RPP30: variants seen among roughly 807,000 people sequenced by gnomAD.
The protein encoded by RPP30 is ribonuclease P protein subunit p30.
RPP30 carries 36 observed loss-of-function variants against 38.6 expected under a neutral mutation model. That is an observed-to-expected ratio of 0.93 (90% CI 0.71 to 1.23). RPP30 has a LOEUF of 1.23. RPP30 is among the 50% of genes most tolerant of loss of function. The probability of loss-of-function intolerance (pLI) is 0.00; values close to 1 mark genes in which losing one functional copy is unlikely to be tolerated. For missense variants in RPP30, 321 were observed against 321.7 expected (o/e 1.00, Z 0.02); for synonymous variants, 126 against 112.7 (o/e 1.12, Z -0.75).
At position 90,896,322 on chromosome 10, in the gene RPP30, G is replaced by A. The variant is rs368239318; in HGVS notation, c.627G>A (p.Leu209=). ...GPYDVANLGL[L]FGLSESDAKA... ...TTAATGCTCCCCCAAGAGGCTTGCT[G>A]TTTGGGCTCTCTGAAAGTGACGCCA... The change falls in exon 10 of 11, where the codon CTG becomes CTA. Residue 209 remains leucine (L), a synonymous_variant. Coordinates refer to ENST00000371703, the MANE Select transcript of RPP30 (RefSeq NM_006413.5). The A allele has an allele frequency of 6.8e-6, 11 of 1,613,896 alleles. No individual in the cohort carries two copies. The Admixed American group carries it at 1.2e-4, about 17-fold the overall frequency.
downstream of RPP30, chr10:90,903,205 A>G (rs1210041421): frequency 9.4e-6 from 15 of 1,600,662 alleles, no homozygotes; most frequent in Middle Eastern, 1.7e-4. Flanking sequence ...CTAGAATTCA[A>G]CAAAGACAAC....
chr10:90,886,994 G>T (rs866615131), intron 6 of RPP30, among the ~76,000 whole-genome samples: 5 of 152,096 alleles, frequency 3.3e-5, no homozygotes, highest in Non-Finnish European at 5.9e-5. Context: ...TAGAGACAGG[G>T]TGTCACTCTA....
At chr10:90,902,441 T>C, downstream of RPP30, 1 of 218,336 alleles carries the variant, frequency 4.6e-6, no homozygotes, top group Non-Finnish European at 9.7e-6. Flanking sequence ...AGTCTCAAAC[T>C]CCTGGCAGAT....
At chr10:90,886,966 TAG>T (rs1431867594) in intron 6 of RPP30, among the ~76,000 whole-genome samples, 128 of 151,818 alleles carry the variant, frequency 8.4e-4, no homozygotes, top group Middle Eastern at 3.4e-3. Context: ...AAATTATTAG[TAG>T]TAGTAGTAGT....
chr10:90,893,961 A>G (rs1202342937), intron 6 of RPP30, among the ~76,000 whole-genome samples: 3 of 152,224 alleles, frequency 2.0e-5, no homozygotes, highest in Non-Finnish European at 4.4e-5. Flanking sequence ...ATTTCCACTC[A>G]TCTACTTACC....
chr10:90,903,333 A>G (rs1435422579), downstream of RPP30: 4 of 1,198,940 alleles, frequency 3.3e-6, no homozygotes, highest in East Asian at 7.1e-5. Flanking sequence ...AACAGGATGT[A>G]TGTTCAATTT....
rs1846846253 is a variant in RPP30, at chr10:90,875,959, C to G, written c.196-65C>G. The G allele has an allele frequency of 3.2e-6, 3 of 945,388 alleles. No homozygotes were observed. In the South Asian group the frequency reaches 4.1e-5, roughly 13 times the overall value. 58.6% of individuals were successfully genotyped at this position (945,388 alleles called of 1,614,324 possible). Reference sequence around the variant, plus strand: ...AGTACCTTTTAATGAATACTTTCCACTGGTAAAAAGGAAAATCAATTATTG... The same window carrying G: ...AGTACCTTTTAATGAATACTTTCCAGTGGTAAAAAGGAAAATCAATTATTG... On this transcript the variant is annotated intron_variant, in intron 3 of 10. Coordinates refer to ENST00000371703, the MANE Select transcript of RPP30 (RefSeq NM_006413.5).
At position 90,872,001 on chromosome 10, in the gene RPP30, A is replaced by G; in HGVS notation, c.15A>G (p.Ala5=). ...GGGACTTCAGCATGGCGGTGTTTGC[A>G]GATTTGGACCTGCGAGCGGGTTCTG... MAVF[A]DLDLRAGSDL... Residue 5 remains alanine (A), a synonymous_variant, in exon 1 of 11, where the codon GCA becomes GCG. Transcript: ENST00000371703. 1 of 1,613,982 alleles carries G rather than the reference A, an allele frequency of 6.2e-7. No homozygotes were observed. Among genetic ancestry groups the G allele is most frequent in the Non-Finnish European group, 8.5e-7 (1 of 1,179,920 alleles).
At chr10:90,889,227 T>TGGCTTTGA (rs1261472369) in intron 6 of RPP30, among the ~76,000 whole-genome samples, 1 of 152,052 alleles carries the variant, frequency 6.6e-6, no homozygotes, top group African/African-American at 2.4e-5. Context: ...CATGTTCCCT[T>TGGCTTTGA]GGCTTTGAGT....
chr10:90,874,803 T>A, intron 1 of RPP30, 66 bp from the exon 2 acceptor site: 2 of 1,055,138 alleles, frequency 1.9e-6, no homozygotes, highest in Non-Finnish European at 2.9e-6. Flanking sequence ...AGACTCAGGA[T>A]GGACCTGTGT....
In RPP30 at chr10:90,885,811, G is replaced by C. The variant is rs1846992915; in HGVS notation, c.343-1G>C. On this transcript the variant is annotated splice_acceptor_variant, in intron 5 of 10. Coordinates refer to ENST00000371703, the MANE Select transcript of RPP30 (RefSeq NM_006413.5). LOFTEE classifies it high-confidence loss of function. ...CTTACCTATTTTTTTCTTCTTTACA[G>C]ATTGCTTGCACACATTTAGATGTGG... The C allele has an allele frequency of 6.2e-7, 1 of 1,605,932 alleles. No homozygotes were observed. Among genetic ancestry groups the C allele is most frequent in the African/African-American group, 1.3e-5 (1 of 74,734 alleles).
Position 90,901,472 on chromosome 10 carries a change from A to G in RPP30, c.*793A>G. On this transcript the variant is annotated 3_prime_UTR_variant, in exon 11 of 11. Transcript: ENST00000371703. ...TATAGAATTTGTGGAAGGAGAGAGG[A>G]TACACATGTAAAATTACATCTGGTC... 1.0e-6 allele frequency: 1 copy of G among 984,750 alleles called. No individual in the cohort carries two copies. The highest frequency in any genetic ancestry group is 1.2e-6 in the Non-Finnish European group (1 of 829,334). 61.0% of individuals were successfully genotyped at this position (984,750 alleles called of 1,614,324 possible). A position where few individuals can be genotyped will look rare whatever the true frequency, so the allele number is the denominator to read the frequency against.
intron 1 of RPP30, among the ~76,000 whole-genome samples, chr10:90,874,360 T>C (rs1247138534): frequency 6.6e-6 from 1 of 152,074 alleles, no homozygotes; most frequent in Non-Finnish European, 1.5e-5. Context: ...CCATTTCTCC[T>C]TAGGAAAGGA....
chr10:90,908,001 T>C (rs1014036262), downstream of RPP30, among the ~76,000 whole-genome samples: 1 of 152,242 alleles, frequency 6.6e-6, no homozygotes, highest in Non-Finnish European at 1.5e-5. Context: ...CTATTGCTCT[T>C]AGGCTTCAAA....
intron 1 of RPP30, among the ~76,000 whole-genome samples, chr10:90,873,733 G>A (rs1324346191): frequency 6.6e-6 from 1 of 152,144 alleles, no homozygotes; most frequent in Non-Finnish European, 1.5e-5. Context: ...GTGTGGTAAA[G>A]AAGAATAGGG....
In RPP30 at chr10:90,871,984, A is replaced by G. The variant is rs202039686; in HGVS notation, c.-3A>G. On this transcript the variant is annotated 5_prime_UTR_variant, in exon 1 of 11. Transcript: ENST00000371703. ...CGCGCGCGGACGGTCATGGGACTTC[A>G]GCATGGCGGTGTTTGCAGATTTGGA... The G allele has an allele frequency of 1.3e-5, 21 of 1,613,884 alleles. No individual in the cohort carries two copies. Among genetic ancestry groups the G allele is most frequent in the East Asian group, 2.2e-5 (1 of 44,872 alleles).
At chr10:90,874,445 C>G (rs1286660816) in intron 1 of RPP30, among the ~76,000 whole-genome samples, 1 of 152,086 alleles carries the variant, frequency 6.6e-6, no homozygotes, top group East Asian at 1.9e-4. Flanking sequence ...AAAGTAGGAA[C>G]TTGATGGGAT....
rs936515067 is a variant in RPP30, at chr10:90,902,182, A to C, written c.*1503A>C. ...TAAATAAAATATTGATTAAAAAAAC[A>C]TTAAAAGTGCATCATGACCAGGTGA... On this transcript the variant is annotated 3_prime_UTR_variant, in exon 11 of 11. Coordinates refer to ENST00000371703, the MANE Select transcript of RPP30 (RefSeq NM_006413.5). 94 of 897,834 alleles carry C rather than the reference A, an allele frequency of 1.0e-4. No homozygotes were observed. Among genetic ancestry groups the C allele is most frequent in the Non-Finnish European group, 1.2e-4 (90 of 745,024 alleles). 55.6% of individuals were successfully genotyped at this position (897,834 alleles called of 1,614,324 possible).
At chr10:90,884,343 C>T (rs1846972098) in intron 5 of RPP30, among the ~76,000 whole-genome samples, 1 of 152,200 alleles carries the variant, frequency 6.6e-6, no homozygotes, top group African/African-American at 2.4e-5. Flanking sequence ...AAATGCTTTT[C>T]AAGACCTTAT....
Sources: allele counts gnomAD v4.1 joint callset (sites outside exome capture counted in the v4.1 genomes callset), GRCh38; gene constraint gnomAD v4.1.1; transcripts MANE v1.5; gene names NCBI Gene and HGNC (gene_info 2026-07-23, HGNC 2026-07-21).